The following LGALS8 variants were observed in gnomAD, a reference collection of about 807,000 sequenced individuals.
The protein encoded by LGALS8 is galectin 8, also known as galectin-8.
LGALS8 carries 30 observed loss-of-function variants against 35.9 expected under a neutral mutation model. The observed-to-expected ratio is 0.83, with a 90% CI of 0.62 to 1.13. The LOEUF is 1.13. LGALS8 is among the 50% of genes most tolerant of loss of function. The pLI is 0.00. For synonymous variants in LGALS8, 138 were observed against 136.1 expected, an observed-to-expected ratio of 1.01 and a Z score of -0.10; for missense variants, 366 against 388.7, an observed-to-expected ratio of 0.94 and a Z score of 0.49.
intron 2 of LGALS8, among the ~76,000 whole-genome samples, chr1:236,528,546 A>ATTTTTTTT (rs61261486): frequency 3.8e-5 from 4 of 104,240 alleles, no homozygotes; most frequent in African/African-American, 3.7e-5. Flanking sequence ...AATGTTTCCA[A>ATTTTTTTT]TTTTTTTTTT....
At chr1:236,518,465 G>T (rs1319414642), upstream of LGALS8, 1 of 152,204 alleles carries the variant, frequency 6.6e-6, no homozygotes, top group South Asian at 2.1e-4. Context: ...CACCGTCCAT[G>T]ACACTTCCTG....
At chr1:236,528,546 A>ATTTTTTTTTTTTTTTTTTTTTT (rs61261486) in intron 2 of LGALS8, among the ~76,000 whole-genome samples, 4 of 104,240 alleles carry the variant, frequency 3.8e-5, no homozygotes, top group Non-Finnish European at 5.4e-5. Context: ...AATGTTTCCA[A>ATTTTTTTTTTTTTTTTTTTTTT]TTTTTTTTTT....
chr1:236,548,686 A>G lies in LGALS8; in HGVS notation c.*525A>G, dbSNP rs1662565711. 5.3e-6 allele frequency: 2 copies of G among 374,994 alleles called. No individual in the cohort carries two copies. The highest frequency in any genetic ancestry group is 4.1e-5 in the African/African-American group (2 of 48,308). The allele number at this position is 374,994 out of a possible 1,614,324, so 23.2% of individuals were successfully genotyped here. A position where few individuals can be genotyped will look rare whatever the true frequency, so the allele number is the denominator to read the frequency against. On this transcript the variant is annotated 3_prime_UTR_variant, in exon 10 of 10. Coordinates refer to ENST00000366584, the MANE Select transcript of LGALS8 (RefSeq NM_201544.4). Reference sequence around the variant, plus strand: ...AAATCACCCGAAGACACTAACTTACAGAAGACACAACTCCTTCCCCAGTGA... The same window carrying G: ...AAATCACCCGAAGACACTAACTTACGGAAGACACAACTCCTTCCCCAGTGA...
intron 4 of LGALS8, 93 bp downstream of exon 4, chr1:236,539,182 C>G: frequency 2.0e-6 from 2 of 990,584 alleles, no homozygotes; most frequent in Non-Finnish European, 3.1e-6. Context: ...CTTATATTTC[C>G]TACACCTGAG....
chr1:236,543,050 G>A, intron 7 of LGALS8: 2 of 1,613,316 alleles, frequency 1.2e-6, no homozygotes, highest in Non-Finnish European at 1.7e-6. Context: ...GGTTTGAAGA[G>A]CACCAAATTT....
upstream of LGALS8, chr1:236,523,821 T>G: frequency 2.9e-6 from 1 of 342,660 alleles, no homozygotes; most frequent in Non-Finnish European, 5.8e-6. Flanking sequence ...TGGGTGGCGA[T>G]CAGCGGCGGG....
upstream of LGALS8, among the ~76,000 whole-genome samples, chr1:236,519,744 C>T (rs1001776797): frequency 6.6e-6 from 1 of 152,054 alleles, no homozygotes; most frequent in African/African-American, 2.4e-5. Flanking sequence ...TGGATAACTT[C>T]AAGGTATCAA....
intron 9 of LGALS8, among the ~76,000 whole-genome samples, chr1:236,546,787 T>G (rs998991156): frequency 6.6e-6 from 1 of 152,364 alleles, no homozygotes; most frequent in South Asian, 2.1e-4. Flanking sequence ...GGCTGTGTGT[T>G]TTGTGTTTTC....
intron 6 of LGALS8, 146 bp downstream of exon 6, chr1:236,541,856 G>A (rs1347226683): frequency 1.3e-5 from 7 of 549,984 alleles, no homozygotes; most frequent in African/African-American, 2.0e-5. Context: ...CATACTTGTG[G>A]TGCCAGGCAC....
intron 6 of LGALS8, chr1:236,542,318 C>T (rs1243619266): frequency 1.0e-5 from 2 of 192,512 alleles, no homozygotes; most frequent in African/African-American, 4.8e-5. Context: ...CCCATCTCTA[C>T]AAAAAATTAA....
chr1:236,522,918 C>CA (rs1298796407), upstream of LGALS8: 16 of 152,166 alleles, frequency 1.1e-4, no homozygotes, highest in East Asian at 1.9e-4. Context: ...TCAATTAAAA[C>CA]AAAAAATAAT....
At chr1:236,542,887 T>C in intron 7 of LGALS8, 100 bp downstream of exon 7, 1 of 1,614,100 alleles carries the variant, frequency 6.2e-7, no homozygotes, top group Non-Finnish European at 8.5e-7. Context: ...TTCATTCCAT[T>C]CCTTACTGTA....
chr1:236,528,330 C>T (rs1301260071), intron 2 of LGALS8, among the ~76,000 whole-genome samples: 14 of 149,666 alleles, frequency 9.4e-5, no homozygotes, highest in Non-Finnish European at 1.6e-4. Flanking sequence ...TGCAGTGAGC[C>T]GAGATGGTGC....
At chr1:236,543,403 G>A in intron 7 of LGALS8, 157 bp from the exon 8 acceptor site, 1 of 716,766 alleles carries the variant, frequency 1.4e-6, no homozygotes, top group Non-Finnish European at 2.6e-6. Context: ...CAGTGCTGCT[G>A]CAGGGGACCC....
Position 236,533,909 on chromosome 1 carries a change from C to A in LGALS8, c.46-3588C>A, listed in dbSNP as rs116087020. 3.2e-4 allele frequency among the ~76,000 whole-genome samples: 48 copies of A among 152,238 alleles called. 2 individuals are homozygous for A. The East Asian group carries it at 8.9e-3, about 28-fold the overall frequency. ...TACCAATGCCACTGCTGTCTCTGACCCCAGATGTAGCTCCCTCTGACCCTG... is the reference window on the plus strand; with the variant it reads ...TACCAATGCCACTGCTGTCTCTGACACCAGATGTAGCTCCCTCTGACCCTG... On this transcript the variant is annotated intron_variant, in intron 2 of 9. Coordinates refer to ENST00000366584, the MANE Select transcript of LGALS8 (RefSeq NM_201544.4).
intron 2 of LGALS8, 41 bp from the exon 3 acceptor site, chr1:236,537,456 T>C (rs1416660773): frequency 1.6e-6 from 2 of 1,252,170 alleles, no homozygotes; most frequent in South Asian, 2.4e-5. Context: ...GTAAGTAATT[T>C]TGTTTATGTA....
chr1:236,533,413 C>T lies in LGALS8; in HGVS notation c.46-4084C>T, dbSNP rs181079609. Among the ~76,000 whole-genome samples, 337 of 151,642 alleles carry T rather than the reference C, an allele frequency of 2.2e-3. 1 individual carries two copies. Among genetic ancestry groups the T allele is most frequent in the African/African-American group, 7.7e-3 (319 of 41,252 alleles). ...GCAATGGCCCGATCTCGGCTCATTGCAACCTCCGCCTCCTGGGTTCAAGTG... is the reference window on the plus strand; with the variant it reads ...GCAATGGCCCGATCTCGGCTCATTGTAACCTCCGCCTCCTGGGTTCAAGTG... On this transcript the variant is annotated intron_variant, in intron 2 of 9. Transcript: ENST00000366584.
chr1:236,520,939 G>T (rs548226874), upstream of LGALS8, among the ~76,000 whole-genome samples: 3 of 152,228 alleles, frequency 2.0e-5, no homozygotes, highest in African/African-American at 7.2e-5. Context: ...TCATATGGCT[G>T]TTTCCTTTCT....
intron 9 of LGALS8, among the ~76,000 whole-genome samples, chr1:236,546,340 T>TA (rs1217993599): frequency 1.3e-5 from 2 of 152,224 alleles, no homozygotes; most frequent in African/African-American, 4.8e-5. Context: ...TCTATACTGA[T>TA]AGGTCCTTTC....
Sources: allele counts gnomAD v4.1 joint callset (sites outside exome capture counted in the v4.1 genomes callset), GRCh38; gene constraint gnomAD v4.1.1; transcripts MANE v1.5; gene names NCBI Gene and HGNC (gene_info 2026-07-23, HGNC 2026-07-21).